ROBO2: variants seen among roughly 807,000 people sequenced by gnomAD.
ROBO2 encodes the protein roundabout homolog 2.
A neutral mutation model predicts 160.8 loss-of-function variants in ROBO2; 53 were observed. The observed-to-expected ratio is 0.33, with a 90% CI of 0.26 to 0.41. The LOEUF (loss-of-function observed/expected upper bound fraction) is 0.41, where lower values mean the gene tolerates loss of function less well. Ranked by LOEUF, ROBO2 falls within the 10% of genes least tolerant of loss-of-function variation. The pLI is 1.00. For synonymous variants in ROBO2, 664 were observed against 611.7 expected, an observed-to-expected ratio of 1.09 and a Z score of -1.26; for missense variants, 1,577 against 1,722.4, an observed-to-expected ratio of 0.92 and a Z score of 1.49.
intron 23 of ROBO2, among the ~76,000 whole-genome samples, chr3:77,627,383 G>A (rs748933809): frequency 6.6e-6 from 1 of 151,904 alleles, no homozygotes; most frequent in Non-Finnish European, 1.5e-5. Flanking sequence ...AGATTCAAGA[G>A]ATTCTCCTGC....
At chr3:76,278,821 G>T (rs1708077069) in intron 2 of ROBO2, among the ~76,000 whole-genome samples, 1 of 151,880 alleles carries the variant, frequency 6.6e-6, no homozygotes, top group South Asian at 2.1e-4. Flanking sequence ...ATTTATTTTG[G>T]AGAGAATGTG....
At chr3:76,800,818 T>C (rs890292373) in intron 2 of ROBO2, among the ~76,000 whole-genome samples, 1 of 152,134 alleles carries the variant, frequency 6.6e-6, no homozygotes, top group African/African-American at 2.4e-5. Context: ...GTATGGGGGT[T>C]CCTCAAATAT....
intron 2 of ROBO2, among the ~76,000 whole-genome samples, chr3:76,020,174 G>A (rs2066531939): frequency 6.6e-6 from 1 of 151,822 alleles, no homozygotes; most frequent in Admixed American, 6.6e-5. Context: ...ACTTTGCTCT[G>A]TAATATTAAT....
At chr3:76,643,380 A>C (rs867437528) in intron 2 of ROBO2, among the ~76,000 whole-genome samples, 1 of 152,312 alleles carries the variant, frequency 6.6e-6, no homozygotes, top group Middle Eastern at 3.4e-3. Flanking sequence ...TGAGAGAAGA[A>C]TATCTCTGAG....
At chr3:75,951,759 A>G (rs1415174381) in intron 2 of ROBO2, among the ~76,000 whole-genome samples, 2 of 151,612 alleles carry the variant, frequency 1.3e-5, no homozygotes, top group Admixed American at 6.6e-5. Flanking sequence ...TGTGTGGTGG[A>G]AAAAAAAATC....
intron 2 of ROBO2, among the ~76,000 whole-genome samples, chr3:77,120,948 A>T (rs1295809600): frequency 6.6e-6 from 1 of 152,072 alleles, no homozygotes; most frequent in African/African-American, 2.4e-5. Flanking sequence ...ATGTTTTATT[A>T]TTATTATTAT....
chr3:76,016,568 G>A (rs2107642416), intron 2 of ROBO2, among the ~76,000 whole-genome samples: 1 of 151,694 alleles, frequency 6.6e-6, no homozygotes, highest in East Asian at 1.9e-4. Context: ...GATATTTACT[G>A]GCATGAAGAG....
intron 6 of ROBO2, among the ~76,000 whole-genome samples, chr3:77,530,606 A>G (rs189716980): frequency 2.7e-4 from 41 of 152,136 alleles, no homozygotes; most frequent in Middle Eastern, 3.4e-3. Context: ...AGTGTTTTAC[A>G]GATTTCACTT....
chr3:76,727,187 A>G (rs1330468266), intron 2 of ROBO2, among the ~76,000 whole-genome samples: 1 of 152,150 alleles, frequency 6.6e-6, no homozygotes, highest in Non-Finnish European at 1.5e-5. Context: ...TTCTCTTTTC[A>G]TGATGTTTTG....
chr3:76,745,985 T>TCCC (rs2093883407), intron 2 of ROBO2, among the ~76,000 whole-genome samples: 1 of 112,402 alleles, frequency 8.9e-6, no homozygotes, highest in Non-Finnish European at 1.7e-5. Flanking sequence ...CCTCCCTCCT[T>TCCC]CCCCCACCCC....
intron 2 of ROBO2, among the ~76,000 whole-genome samples, chr3:75,999,748 A>G (rs1380041803): frequency 1.3e-5 from 2 of 152,198 alleles, no homozygotes; most frequent in African/African-American, 4.8e-5. Flanking sequence ...TCACAACATT[A>G]TATTTTTGAA....
intron 2 of ROBO2, among the ~76,000 whole-genome samples, chr3:77,384,994 T>G (rs2073948786): frequency 6.6e-6 from 1 of 152,176 alleles, no homozygotes; most frequent in African/African-American, 2.4e-5. Context: ...TACAATAAAC[T>G]TCAAATATGA....
chr3:76,523,160 G>T (rs2107920813), intron 2 of ROBO2, among the ~76,000 whole-genome samples: 1 of 151,816 alleles, frequency 6.6e-6, no homozygotes, highest in South Asian at 2.1e-4. Flanking sequence ...ACAGAAGCTT[G>T]GGAGATAATA....
chr3:76,720,426 A>C (rs1258964968), intron 2 of ROBO2, among the ~76,000 whole-genome samples: 1 of 152,194 alleles, frequency 6.6e-6, no homozygotes, highest in Non-Finnish European at 1.5e-5. Flanking sequence ...TGCCATTCAG[A>C]AAAAGTCTGG....
At chr3:76,722,985 TG>T in intron 2 of ROBO2, among the ~76,000 whole-genome samples, 1 of 152,192 alleles carries the variant, frequency 6.6e-6, no homozygotes, top group Admixed American at 6.5e-5. Context: ...AATTGAAATA[TG>T]GAAAATAAAA....
chr3:77,408,314 CA>C (rs1243643450), intron 2 of ROBO2, among the ~76,000 whole-genome samples: 1 of 151,826 alleles, frequency 6.6e-6, no homozygotes, highest in East Asian at 1.9e-4. Flanking sequence ...TTCACTTTTT[CA>C]ATGAAAGTAA....
At chr3:77,246,817 T>C (rs2089784428) in intron 2 of ROBO2, among the ~76,000 whole-genome samples, 1 of 152,204 alleles carries the variant, frequency 6.6e-6, no homozygotes, top group African/African-American at 2.4e-5. Flanking sequence ...ACAATTTACC[T>C]CTTGAGTATA....
chr3:76,913,960 T>C (rs1345063152), intron 2 of ROBO2, among the ~76,000 whole-genome samples: 1 of 151,808 alleles, frequency 6.6e-6, no homozygotes, highest in Non-Finnish European at 1.5e-5. Context: ...CATGAGTAAC[T>C]GAGTAATACT....
At chr3:77,296,331 G>T (rs2062111662) in intron 2 of ROBO2, among the ~76,000 whole-genome samples, 1 of 152,042 alleles carries the variant, frequency 6.6e-6, no homozygotes, top group African/African-American at 2.4e-5. Context: ...GCAAGCTGAG[G>T]CTAGATCACC....
Sources: gnomAD v4.1 joint callset for allele counts (sites outside exome capture counted in the v4.1 genomes callset) on GRCh38, gnomAD v4.1.1 for gene constraint, MANE v1.5 for transcripts, NCBI Gene and HGNC (gene_info 2026-07-23, HGNC 2026-07-21) for gene names.